The following YARS1 variants were observed in gnomAD, a reference collection of about 807,000 sequenced individuals.
YARS1 encodes tyrosyl-tRNA synthetase 1.
YARS1 carries 36 observed loss-of-function variants against 62.2 expected under a neutral mutation model. The ratio of observed to expected loss-of-function variants is 0.58; its 90% CI spans 0.44 to 0.76. YARS1 has a LOEUF of 0.76. Ranked by LOEUF, YARS1 falls within the 30% of genes least tolerant of loss-of-function variation. YARS1 has a pLI of 0.00. For missense variants in YARS1, 524 were observed against 639.8 expected (o/e 0.82, Z 1.95); for synonymous variants, 234 against 244.9 (o/e 0.96, Z 0.42).
chr1:32,816,970 C>T (rs1338219718), intron 1 of YARS1: 8 of 625,692 alleles, frequency 1.3e-5, no homozygotes, highest in Admixed American at 5.5e-5. Context: ...CACAAGACAA[C>T]TGGACGCAAG....
chr1:32,806,414 A>G lies in YARS1; in HGVS notation c.510+68T>C, dbSNP rs113502268. ...TGCGTAGTGCAGTAAAGCAAAGTGC[A>G]ATAAGATATGCCTGTCATCAAACCA... On this transcript the variant is annotated intron_variant, in intron 4 of 12. Transcript: ENST00000373477. 7.4e-6 allele frequency: 12 copies of G among 1,611,794 alleles called. 1 individual carries two copies. Among genetic ancestry groups the G allele is most frequent in the Middle Eastern group, 4.3e-4 (2 of 4,692 alleles).
At position 32,817,288 on chromosome 1, in the gene YARS1, C is replaced by T. The variant is rs376449654; in HGVS notation, c.-44G>A. On this transcript the variant is annotated 5_prime_UTR_variant, in exon 1 of 13. Transcript: ENST00000373477. Reference sequence around the variant, plus strand: ...TCCCCCGCTCAGCCCGGCACCAGAGCCCCTTCCTGGGTCACCGTCGCCGCC... The same window carrying T: ...TCCCCCGCTCAGCCCGGCACCAGAGTCCCTTCCTGGGTCACCGTCGCCGCC... 12 of 1,611,556 alleles carry T rather than the reference C, an allele frequency of 7.4e-6. No individual in the cohort carries two copies. The African/African-American group carries it at 1.5e-4, about 20-fold the overall frequency.
Position 32,806,473 on chromosome 1 carries a change from C to G in YARS1, c.510+9G>C. The G allele has an allele frequency of 1.2e-6, 2 of 1,613,858 alleles. No homozygotes were observed. Among genetic ancestry groups the G allele is most frequent in the African/African-American group, 2.7e-5 (2 of 75,060 alleles). ...AAGGTCATCGGGCCACTCCATCCCC[C>G]TTAAGTACCTGCAGTCCGGGGTATA... On this transcript the variant is annotated intron_variant, in intron 4 of 12. Transcript: ENST00000373477.
rs1375626273 is a variant in YARS1, at chr1:32,803,013, T to C, written c.510+3469A>G. ...TTTTTTTTTTTTTGAGACAGAGTCT[T>C]GCATTGTTGCCCGGGCTGGAGTGCA... On this transcript the variant is annotated intron_variant, in intron 4 of 12. Transcript: ENST00000373477. Among the ~76,000 whole-genome samples, 3 of 142,746 alleles carry C rather than the reference T, an allele frequency of 2.1e-5. No homozygotes were observed. In the East Asian group the frequency reaches 6.2e-4, roughly 29 times the overall value. The allele number at this position is 142,746 out of a possible 152,430, so 93.6% of individuals were successfully genotyped here.
intron 4 of YARS1, among the ~76,000 whole-genome samples, chr1:32,798,835 T>A (rs77174196): frequency 0.014 from 2,092 of 151,822 alleles, 31 homozygotes; most frequent in African/African-American, 0.032. Context: ...AAAATAAAAT[T>A]AAATTAAAAT....
At chr1:32,785,783 C>T (rs141639754) in intron 8 of YARS1, among the ~76,000 whole-genome samples, 225 of 151,908 alleles carry the variant, frequency 1.5e-3, no homozygotes, top group African/African-American at 5.2e-3. Context: ...GGGGTTTCTC[C>T]GTGTTGGTCA....
rs1652836745 is a variant in YARS1, at chr1:32,775,807, G to T, written c.*174C>A. The T allele has an allele frequency of 4.6e-6, 3 of 649,360 alleles. No individual in the cohort carries two copies. 40.2% of individuals were successfully genotyped at this position (649,360 alleles called of 1,614,324 possible). On this transcript the variant is annotated 3_prime_UTR_variant, in exon 13 of 13. Transcript: ENST00000373477. ...GTCTCTCACTGCAGCCAGACAGGAT[G>T]ATCCTGGGTTCTGGGGAGGGTAAGC...
At chr1:32,809,079 C>A (rs1475577524) in intron 3 of YARS1, among the ~76,000 whole-genome samples, 1 of 151,862 alleles carries the variant, frequency 6.6e-6, no homozygotes, top group Non-Finnish European at 1.5e-5. Flanking sequence ...TTATTCATTT[C>A]TTTTTCTTTC....
intron 4 of YARS1, among the ~76,000 whole-genome samples, chr1:32,804,167 T>G (rs1206848288): frequency 1.3e-5 from 2 of 152,262 alleles, no homozygotes; most frequent in Non-Finnish European, 2.9e-5. Context: ...AACAATCTGA[T>G]CTCTCTTTCT....
intron 8 of YARS1, among the ~76,000 whole-genome samples, chr1:32,784,416 T>C (rs1248400171): frequency 6.6e-6 from 1 of 152,046 alleles, no homozygotes; most frequent in Non-Finnish European, 1.5e-5. Flanking sequence ...TTATCACATC[T>C]TCCCTTTGTG....
At chr1:32,804,394 C>T (rs547003657) in intron 4 of YARS1, among the ~76,000 whole-genome samples, 212 of 150,810 alleles carry the variant, frequency 1.4e-3, no homozygotes, top group Non-Finnish European at 2.9e-3. Flanking sequence ...CCCTCCTGGA[C>T]AGGGCGGCTG....
rs2282294 is a variant in YARS1 at position 32,780,576 on chromosome 1, T to A, written c.1141-298A>T. ...CACCAGCATTGATCTCAGGGTGGTT[T>A]TGGTGGTTGGGGTACACAGTGAGAA... On this transcript the variant is annotated intron_variant, in intron 10 of 12. Coordinates refer to ENST00000373477, the MANE Select transcript of YARS1 (RefSeq NM_003680.4). The A allele has an allele frequency of 0.17, 80,495 of 479,160 alleles. 7,688 individuals carry two copies. Among genetic ancestry groups the A allele is most frequent in the South Asian group, 0.24 (11,205 of 47,258 alleles). 29.7% of individuals were successfully genotyped at this position (479,160 alleles called of 1,614,324 possible). A position where few individuals can be genotyped will look rare whatever the true frequency, so the allele number is the denominator to read the frequency against.
chr1:32,790,930 T>C (rs532327857), intron 6 of YARS1: 95 of 531,538 alleles, frequency 1.8e-4, no homozygotes, highest in African/African-American at 1.5e-3. Context: ...GACATTACTT[T>C]TGCTTTTATT....
At chr1:32,794,171 G>C (rs1269830919) in intron 5 of YARS1, among the ~76,000 whole-genome samples, 1 of 152,086 alleles carries the variant, frequency 6.6e-6, no homozygotes, top group Non-Finnish European at 1.5e-5. Context: ...CCAACATGGT[G>C]AAACCCCATC....
chr1:32,799,227 G>C (rs887552778), intron 4 of YARS1, among the ~76,000 whole-genome samples: 13 of 152,182 alleles, frequency 8.5e-5, no homozygotes, highest in African/African-American at 2.9e-4. Flanking sequence ...GTCTGCAAAA[G>C]TACGAACTTC....
chr1:32,779,674 AC>A, intron 11 of YARS1, 151 bp from the exon 12 acceptor site: 1 of 956,988 alleles, frequency 1.0e-6, no homozygotes, highest in East Asian at 2.6e-5. Flanking sequence ...TTATCTTGCT[AC>A]ATCCCTGCAT....
Position 32,786,400 on chromosome 1 carries a change from T to C in YARS1, c.868A>G (p.Thr290Ala). 1 of 1,614,124 alleles carries C rather than the reference T, an allele frequency of 6.2e-7. No homozygotes were observed. Among genetic ancestry groups the C allele is most frequent in the Non-Finnish European group, 8.5e-7 (1 of 1,180,014 alleles). Residue 290 changes from threonine to alanine, a missense_variant, in exon 8 of 13, where the codon ACA becomes GCA. Coordinates refer to ENST00000373477, the MANE Select transcript of YARS1 (RefSeq NM_003680.4). ...TCCTTTTCCAGGTCCACGTAAGCTG[T>C]GTAGGTTTTGTTTCCACCCCATTTC... The part of the protein sequence containing the change: ...DEKWGGNKTY[T>A]AYVDLEKDFA...
chr1:32,779,176 C>T (rs1326444515), intron 12 of YARS1, among the ~76,000 whole-genome samples: 1 of 152,146 alleles, frequency 6.6e-6, no homozygotes, highest in Admixed American at 6.5e-5. Context: ...CTCAAATGAT[C>T]TGTCGGAGAT....
intron 12 of YARS1, among the ~76,000 whole-genome samples, chr1:32,778,033 A>G (rs912017557): frequency 1.3e-5 from 2 of 152,174 alleles, no homozygotes; most frequent in Non-Finnish European, 2.9e-5. Context: ...GAAAGGAGGG[A>G]GTGGGCAAAG....
Sources: gnomAD v4.1 joint callset for allele counts (sites outside exome capture counted in the v4.1 genomes callset) on GRCh38, gnomAD v4.1.1 for gene constraint, MANE v1.5 for transcripts, NCBI Gene and HGNC (gene_info 2026-07-23, HGNC 2026-07-21) for gene names.